The following NBPF14 variants were observed in gnomAD, a reference collection of about 807,000 sequenced individuals.
NBPF14 encodes NBPF family member NBPF14.
A neutral mutation model predicts 91.2 loss-of-function variants in NBPF14; 104 were observed. The ratio of observed to expected loss-of-function variants is 1.14; its 90% CI spans 0.97 to 1.34. NBPF14 has a LOEUF of 1.34. NBPF14 is among the 40% of genes most tolerant of loss of function. The pLI is 0.00. For missense variants in NBPF14, 908 were observed against 783.0 expected (o/e 1.16, Z -1.91); for synonymous variants, 294 against 303.8 (o/e 0.97, Z 0.34).
intron 37 of NBPF14, among the ~76,000 whole-genome samples, chr1:148,559,433 C>G (rs1657223616): frequency 7.5e-6 from 1 of 133,608 alleles, no homozygotes; most frequent in Admixed American, 7.3e-5. Flanking sequence ...TCAGATTGTT[C>G]ATGGTAGCGA....
At position 148,534,931 on chromosome 1, in the gene NBPF14, C is replaced by T. The variant is rs1654765956; in HGVS notation, c.8442-75G>A. 2.2e-5 allele frequency: 16 copies of T among 740,478 alleles called. 2 individuals are homozygous for T. Among genetic ancestry groups the T allele is most frequent in the African/African-American group, 1.4e-4 (7 of 49,456 alleles). The allele number at this position is 740,478 out of a possible 1,614,324, so 45.9% of individuals were successfully genotyped here. A position where few individuals can be genotyped will look rare whatever the true frequency, so the allele number is the denominator to read the frequency against. ...ACACAGCCCCAGCTAGATTTCATGGCTAACATAAGGAACAGTTTAAAAAGA... is the reference window on the plus strand; with the variant it reads ...ACACAGCCCCAGCTAGATTTCATGGTTAACATAAGGAACAGTTTAAAAAGA... On this transcript the variant is annotated intron_variant, in intron 68 of 70. Coordinates refer to ENST00000619423, the Ensembl canonical transcript of NBPF14.
At chr1:148,572,360 A>C in intron 21 of NBPF14, 83 bp downstream of exon 21, 1 of 332,320 alleles carries the variant, frequency 3.0e-6, no homozygotes, top group South Asian at 2.4e-5. Flanking sequence ...CTCTCGGGTC[A>C]GTAAGGGGCA....
Position 148,572,668 on chromosome 1 carries a change from C to A in NBPF14, c.2586-53G>T, listed in dbSNP as rs1471574239. ...AAGCCAGGGGGAATCAGAAACCACA[C>A]AGCCCCAGCTAGATTTCATGGCTAA... On this transcript the variant is annotated intron_variant, in intron 20 of 70. Transcript: ENST00000619423. The A allele has an allele frequency of 1.6e-5, 11 of 669,774 alleles. 2 individuals carry two copies. The South Asian group carries it at 1.7e-4, about 10-fold the overall frequency. 41.5% of individuals were successfully genotyped at this position (669,774 alleles called of 1,614,324 possible). A position where few individuals can be genotyped will look rare whatever the true frequency, so the allele number is the denominator to read the frequency against.
intron 69 of NBPF14, among the ~76,000 whole-genome samples, chr1:148,534,439 T>A (rs1255151009): frequency 4.6e-5 from 7 of 151,748 alleles, no homozygotes; most frequent in African/African-American, 1.7e-4. Flanking sequence ...AGGTCCAATG[T>A]CATGAGAATA....
rs1660530465 is a variant in NBPF14, at chr1:148,579,065, A to C, written c.1801+9T>G. 1.8e-6 allele frequency: 1 copy of C among 543,598 alleles called. No homozygotes were observed. Among genetic ancestry groups the C allele is most frequent in the Non-Finnish European group, 3.2e-6 (1 of 310,118 alleles). 33.7% of individuals were successfully genotyped at this position (543,598 alleles called of 1,614,324 possible). A position where few individuals can be genotyped will look rare whatever the true frequency, so the allele number is the denominator to read the frequency against. On this transcript the variant is annotated intron_variant, in intron 13 of 70. Transcript: ENST00000619423. ...TGGAGCTTTATCACCTTCACAATGG[A>C]GTACTCACTGCCTATGTCAACAGCC... is the stretch of plus-strand genomic sequence containing the variant.
chr1:148,578,951 T>C (rs1660506093), intron 13 of NBPF14, 123 bp downstream of exon 13: 2 of 680,798 alleles, frequency 2.9e-6, no homozygotes, highest in Non-Finnish European at 5.3e-6. Context: ...TCTACATTGA[T>C]ATATAGGTTC....
rs1370737317 is a variant in NBPF14 at position 148,566,315 on chromosome 1, C to T, written c.3543G>A (p.Arg1181=). 17 of 746,192 alleles carry T rather than the reference C, an allele frequency of 2.3e-5. 2 individuals carry two copies. The highest frequency in any genetic ancestry group is 3.8e-5 in the Non-Finnish European group (16 of 423,312). 46.2% of individuals were successfully genotyped at this position (746,192 alleles called of 1,614,324 possible). The change falls in exon 29 of 71, where the codon AGG becomes AGA. Residue 1181 remains arginine (R), a splice_region_variant and synonymous_variant. Coordinates refer to ENST00000619423, the Ensembl canonical transcript of NBPF14. ...CTACCTCCAGCAGCTCCCTGCTGAG[C>T]CTGGAAAAGGAGGAAAAGGTAAAGA...
chr1:148,578,154 G>A, intron 13 of NBPF14, 120 bp from the exon 14 acceptor site: 1 of 750,386 alleles, frequency 1.3e-6, no homozygotes, highest in Non-Finnish European at 2.4e-6. Flanking sequence ...AGGAGACTTT[G>A]AGAGAAATAT....
At chr1:148,533,545 C>T (rs1443830498) in intron 70 of NBPF14, among the ~76,000 whole-genome samples, 1 of 150,044 alleles carries the variant, frequency 6.7e-6, no homozygotes, top group East Asian at 2.0e-4. Flanking sequence ...GAGTTAGTGC[C>T]CTCATGACAC....
At chr1:148,534,896 A>G (rs1359905023) in intron 68 of NBPF14, 40 bp from the exon 69 acceptor site, 10 of 718,222 alleles carry the variant, frequency 1.4e-5, no homozygotes, top group Admixed American at 2.0e-5. Context: ...GCCAGGGGGA[A>G]TCAGAAACCA....
intron 40 of NBPF14, among the ~76,000 whole-genome samples, chr1:148,557,136 A>C (rs1656741309): frequency 8.2e-6 from 1 of 121,886 alleles, no homozygotes. Context: ...TGACACACTG[A>C]TGAGGGAGTA....
chr1:148,560,830 G>A (rs2149507534), intron 35 of NBPF14, 138 bp from the exon 36 acceptor site: 1 of 11,124 alleles, frequency 9.0e-5, no homozygotes, highest in East Asian at 2.9e-3. Context: ...TATTTCAGGA[G>A]GCCTGAAGGC....
At chr1:148,572,548 A>T in exon 21 of NBPF14, 1 of 658,368 alleles carries the variant, frequency 1.5e-6, no homozygotes, top group Non-Finnish European at 2.7e-6. Context: ...GAAGGAGTCG[A>T]ATAACATCTA....
At chr1:148,576,010 G>A (rs1465504049) in intron 16 of NBPF14, among the ~76,000 whole-genome samples, 199 bp from the exon 17 acceptor site, 1 of 146,542 alleles carries the variant, frequency 6.8e-6, no homozygotes, top group Non-Finnish European at 1.5e-5. Context: ...ACAGGGAGAG[G>A]GAGAGAGAGA....
chr1:148,590,036 CTTACT>C (rs1662202366), intron 6 of NBPF14, among the ~76,000 whole-genome samples: 1 of 110,008 alleles, frequency 9.1e-6, no homozygotes, highest in Non-Finnish European at 1.9e-5. Flanking sequence ...TGGTCAGAGA[CTTACT>C]TTTTTTTTTT....
chr1:148,536,043 C>G (rs1180516750), intron 67 of NBPF14, among the ~76,000 whole-genome samples, 181 bp downstream of exon 67: 18 of 149,616 alleles, frequency 1.2e-4, no homozygotes, highest in Middle Eastern at 3.6e-3. Context: ...GCCTTGCTCA[C>G]TGACCCATCC....
Position 148,587,296 on chromosome 1 carries a change from C to T in NBPF14, c.1091+5G>A. 1.3e-6 allele frequency: 2 copies of T among 1,579,186 alleles called. No individual in the cohort carries two copies. Among genetic ancestry groups the T allele is most frequent in the South Asian group, 2.2e-5 (2 of 89,236 alleles). ...CCCCTGCCTGCCCCCATGGGGTCCCCTCACCTGAGCTCCTCAGCTTGCTTC... is the reference window on the plus strand; with the variant it reads ...CCCCTGCCTGCCCCCATGGGGTCCCTTCACCTGAGCTCCTCAGCTTGCTTC... On this transcript the variant is annotated splice_donor_5th_base_variant and intron_variant, in intron 8 of 70. Transcript: ENST00000619423.
At chr1:148,560,245 C>G (rs1350803439) in intron 36 of NBPF14, among the ~76,000 whole-genome samples, 517 of 147,996 alleles carry the variant, frequency 3.5e-3, no homozygotes, top group Non-Finnish European at 4.2e-3. Context: ...GTAAGGGAGT[C>G]AAAGGACACT....
intron 12 of NBPF14, among the ~76,000 whole-genome samples, chr1:148,579,807 G>A (rs1660624333): frequency 6.6e-6 from 1 of 152,078 alleles, no homozygotes; most frequent in African/African-American, 2.4e-5. Flanking sequence ...CCTGTTTGAG[G>A]GTCTGGAGTG....
Sources: allele counts gnomAD v4.1 joint callset (sites outside exome capture counted in the v4.1 genomes callset), GRCh38; gene constraint gnomAD v4.1.1; transcripts MANE v1.5; gene names NCBI Gene and HGNC (gene_info 2026-07-23, HGNC 2026-07-21).